GPHN: variants seen among roughly 807,000 people sequenced by gnomAD.
GPHN encodes the protein gephyrin.
Under a neutral mutation model 95.5 loss-of-function variants are expected in GPHN, and 17 were observed. The observed-to-expected ratio is 0.18, with a 90% confidence interval of 0.12 to 0.27. GPHN has a LOEUF of 0.27. Ranked by LOEUF, GPHN falls within the 10% of genes least tolerant of loss-of-function variation. The probability of loss-of-function intolerance (pLI) is 1.00; values close to 1 mark genes in which losing one functional copy is unlikely to be tolerated. For missense variants in GPHN, 660 were observed against 978.1 expected (o/e 0.67, Z 4.34); for synonymous variants, 320 against 322.5 (o/e 0.99, Z 0.08).
At chr14:67,225,361 A>G in the GPHN span, 11 of 750,254 alleles carry the variant, frequency 1.5e-5, no homozygotes, top group African/African-American at 1.8e-4. Context: ...TTAACATTAA[A>G]TCTTATTCTA....
intron 9 of GPHN, among the ~76,000 whole-genome samples, chr14:67,020,910 A>G (rs973059923): frequency 6.6e-6 from 1 of 151,924 alleles, no homozygotes; most frequent in African/African-American, 2.4e-5. Context: ...TTTTTTTCCC[A>G]TAGAGTAAAG....
chr14:67,060,388 A>G (rs189085818), intron 11 of GPHN, among the ~76,000 whole-genome samples: 36 of 152,308 alleles, frequency 2.4e-4, no homozygotes, highest in African/African-American at 8.7e-4. Context: ...GTTTCCACCT[A>G]TGATGATGAA....
the GPHN span, among the ~76,000 whole-genome samples, chr14:67,703,939 A>G: frequency 1.6e-4 from 24 of 152,246 alleles, no homozygotes; most frequent in Admixed American, 5.9e-4. Flanking sequence ...CAGCATCCCA[A>G]AGTGCTGGGA....
chr14:67,717,342 G>A, the GPHN span, among the ~76,000 whole-genome samples: 2 of 152,208 alleles, frequency 1.3e-5, no homozygotes, highest in Non-Finnish European at 2.9e-5. Flanking sequence ...GTAGACTAAT[G>A]GAGTGATTAG....
the GPHN span, among the ~76,000 whole-genome samples, chr14:67,568,039 G>C: frequency 6.6e-6 from 1 of 152,166 alleles, no homozygotes; most frequent in African/African-American, 2.4e-5. Context: ...TCTGCATGGG[G>C]GTGCTGGAGT....
chr14:67,174,494 G>A (rs1462064811), intron 21 of GPHN, among the ~76,000 whole-genome samples: 2 of 152,200 alleles, frequency 1.3e-5, no homozygotes, highest in East Asian at 3.9e-4. Context: ...TGGACATTTG[G>A]GTTGGTTCCA....
intron 9 of GPHN, among the ~76,000 whole-genome samples, chr14:67,005,352 G>A (rs938040493): frequency 2.3e-4 from 35 of 151,886 alleles, no homozygotes; most frequent in African/African-American, 7.0e-4. Flanking sequence ...ACCTCCTTGA[G>A]AAAGAATTTA....
the GPHN span, among the ~76,000 whole-genome samples, chr14:67,461,603 G>A: frequency 1.3e-5 from 2 of 151,804 alleles, no homozygotes; most frequent in African/African-American, 2.4e-5. Context: ...GATATGAAAC[G>A]TAAGCCAGGA....
At chr14:66,730,070 T>C (rs1370689970) in intron 2 of GPHN, among the ~76,000 whole-genome samples, 4 of 152,346 alleles carry the variant, frequency 2.6e-5, no homozygotes, top group Admixed American at 6.5e-5. Context: ...CTTTATATAA[T>C]ATGGTAACTA....
intron 1 of GPHN, among the ~76,000 whole-genome samples, chr14:66,633,774 G>A (rs1390324032): frequency 6.6e-6 from 1 of 152,218 alleles, no homozygotes; most frequent in East Asian, 1.9e-4. Flanking sequence ...AGGTGGTGCT[G>A]TACTCTTCCC....
chr14:67,300,444 C>T, the GPHN span, among the ~76,000 whole-genome samples: 3 of 151,522 alleles, frequency 2.0e-5, no homozygotes, highest in Non-Finnish European at 4.4e-5. Context: ...TCTCATGCCT[C>T]AGCCTCTTGA....
the GPHN span, among the ~76,000 whole-genome samples, chr14:67,278,848 C>G: frequency 1.4e-4 from 22 of 152,164 alleles, no homozygotes; most frequent in African/African-American, 5.1e-4. Flanking sequence ...AGGGGGGAAT[C>G]TTGATTTCCT....
At chr14:66,607,416 T>C (rs1468789258) in intron 1 of GPHN, among the ~76,000 whole-genome samples, 2 of 151,398 alleles carry the variant, frequency 1.3e-5, no homozygotes, top group African/African-American at 4.8e-5. Flanking sequence ...TTTTTTAGGG[T>C]TTTGTGTTTG....
chr14:67,262,552 C>G, the GPHN span, among the ~76,000 whole-genome samples: 11 of 152,114 alleles, frequency 7.2e-5, no homozygotes, highest in Non-Finnish European at 1.6e-4. Flanking sequence ...TGCTACTTCC[C>G]TTTATCCTGC....
the GPHN span, chr14:67,397,522 T>C: frequency 2.4e-5 from 16 of 655,686 alleles, no homozygotes; most frequent in African/African-American, 2.7e-4. Flanking sequence ...ACCTGGTATG[T>C]GGCGGAGCCA....
chr14:66,996,150 G>T, intron 9 of GPHN: 1 of 1,508,250 alleles, frequency 6.6e-7, no homozygotes, highest in Non-Finnish European at 8.9e-7. Context: ...CTTTAACAGT[G>T]TTTTCTTTTC....
intron 1 of GPHN, among the ~76,000 whole-genome samples, chr14:66,584,229 A>G (rs1272331488): frequency 1.7e-4 from 26 of 152,086 alleles, no homozygotes; most frequent in Admixed American, 1.7e-3. Flanking sequence ...TTTTTTGCAC[A>G]TTGAGTTTGT....
the GPHN span, among the ~76,000 whole-genome samples, chr14:67,422,495 T>C: frequency 1.3e-5 from 2 of 152,228 alleles, no homozygotes; most frequent in Non-Finnish European, 2.9e-5. Context: ...ATGGGTGCTA[T>C]GCCATAAACA....
chr14:66,989,226 C>G (rs1049073271), intron 9 of GPHN, among the ~76,000 whole-genome samples: 1 of 151,838 alleles, frequency 6.6e-6, no homozygotes, highest in Non-Finnish European at 1.5e-5. Context: ...TCCCCAAAAC[C>G]TATTTTGTCA....
Sources: gnomAD v4.1 joint callset for allele counts (sites outside exome capture counted in the v4.1 genomes callset) on GRCh38, gnomAD v4.1.1 for gene constraint, MANE v1.5 for transcripts, NCBI Gene and HGNC (gene_info 2026-07-23, HGNC 2026-07-21) for gene names.